WDSUB1: variants seen among roughly 807,000 people sequenced by gnomAD.
The protein encoded by WDSUB1 is WD repeat, sterile alpha motif and U-box domain containing 1.
WDSUB1 carries 49 observed loss-of-function variants against 53.9 expected under a neutral mutation model. The ratio of observed to expected loss-of-function variants is 0.91; its 90% CI spans 0.72 to 1.15. WDSUB1 has a LOEUF of 1.15. Among genes scored for constraint, WDSUB1 ranks in the 50% most tolerant of loss-of-function variants. The probability of loss-of-function intolerance (pLI) is 0.00; values close to 1 mark genes in which losing one functional copy is unlikely to be tolerated. For missense variants in WDSUB1, 514 were observed against 562.0 expected (o/e 0.91, Z 0.86); for synonymous variants, 194 against 200.6 (o/e 0.97, Z 0.28).
At chr2:159,250,846 T>C (rs1464712089) in intron 9 of WDSUB1, among the ~76,000 whole-genome samples, 3 of 152,066 alleles carry the variant, frequency 2.0e-5, no homozygotes, top group African/African-American at 7.2e-5. Context: ...GTGACTGGGG[T>C]ATGCTTCCTA....
At chr2:159,253,736 G>T (rs181539539) in intron 9 of WDSUB1, among the ~76,000 whole-genome samples, 45 of 152,220 alleles carry the variant, frequency 3.0e-4, no homozygotes, top group African/African-American at 9.6e-4. Context: ...ATACTCATTG[G>T]TTCACCTCAA....
chr2:159,261,884 ATATATATATATATTTTTTTTTTTTT>A (rs1553456701), intron 5 of WDSUB1, among the ~76,000 whole-genome samples: 26 of 19,696 alleles, frequency 1.3e-3, no homozygotes, highest in Non-Finnish European at 1.8e-3. Context: ...ATATATATAT[ATATATATATATATTTTTTTTTTTTT>A]TTTTTTTTTT....
At chr2:159,242,774 C>T (rs1401019115) in intron 10 of WDSUB1, among the ~76,000 whole-genome samples, 1 of 147,816 alleles carries the variant, frequency 6.8e-6, no homozygotes, top group Non-Finnish European at 1.5e-5. Context: ...ACAGAAGAGC[C>T]CCCATTTTTA....
rs373483710 is a variant in WDSUB1 at position 159,259,180 on chromosome 2, C to T, written c.804+630G>A. 1.8e-4 allele frequency among the ~76,000 whole-genome samples: 27 copies of T among 152,248 alleles called. 1 individual carries two copies. Among genetic ancestry groups the T allele is most frequent in the Admixed American group, 1.6e-3 (25 of 15,292 alleles). ...CTGGGACTACAGGGACGCGCCACCA[C>T]GGTCAGCTAAGTTTTTGTATTTTTG... On this transcript the variant is annotated intron_variant, in intron 6 of 10. Transcript: ENST00000359774.
At chr2:159,264,768 C>T (rs1340612727) in intron 5 of WDSUB1, among the ~76,000 whole-genome samples, 1 of 152,124 alleles carries the variant, frequency 6.6e-6, no homozygotes, top group Non-Finnish European at 1.5e-5. Context: ...CCGTATTGCC[C>T]TCTCATTGGT....
chr2:159,257,979 C>T lies in WDSUB1; in HGVS notation c.811G>A (p.Glu271Lys), dbSNP rs2061104640. 6.2e-7 allele frequency: 1 copy of T among 1,612,362 alleles called. No individual in the cohort carries two copies. The highest frequency in any genetic ancestry group is 8.5e-7 in the Non-Finnish European group (1 of 1,179,610). ...TGAGTCAATGTGTGAAGTATATTCT[C>T]AGTATTCTGAAAAACAATAAAAACA... is the stretch of plus-strand genomic sequence containing the variant. ...KSVIVYDTNT[E>K]NILHTLTQHT... is the part of the protein sequence containing the mutation. The change falls in exon 7 of 11, where the codon GAG becomes AAG. Residue 271 changes from glutamate (E) to lysine (K), a missense_variant. Physicochemically the swap from Glu to Lys is moderately conservative, Grantham distance 56. Transcript: ENST00000359774.
In WDSUB1 at chr2:159,235,983, A is replaced by G; in HGVS notation, c.*50T>C. ...ATGTCTGATTAGTATTTACCTATAA[A>G]TCATTCAAATGAGATCACTGAAAAT... On this transcript the variant is annotated 3_prime_UTR_variant, in exon 11 of 11. Coordinates refer to ENST00000359774, the MANE Select transcript of WDSUB1 (RefSeq NM_001128212.3). 3 of 1,508,562 alleles carry G rather than the reference A, an allele frequency of 2.0e-6. No individual in the cohort carries two copies. Among genetic ancestry groups the G allele is most frequent in the South Asian group, 2.7e-5 (2 of 72,778 alleles). The allele number at this position is 1,508,562 out of a possible 1,614,324, so 93.4% of individuals were successfully genotyped here.
At chr2:159,271,667 A>G (rs2061445609) in intron 5 of WDSUB1, 35 bp downstream of exon 5, 1 of 1,552,722 alleles carries the variant, frequency 6.4e-7, no homozygotes. Context: ...ATTTCATATA[A>G]AAATGGTTTA....
At chr2:159,260,250 A>G (rs1321164246) in intron 5 of WDSUB1, among the ~76,000 whole-genome samples, 3 of 152,202 alleles carry the variant, frequency 2.0e-5, no homozygotes, top group African/African-American at 7.2e-5. Flanking sequence ...GGTTACAATG[A>G]GCCAAGATCA....
chr2:159,239,659 C>T (rs1349216706), intron 10 of WDSUB1, among the ~76,000 whole-genome samples: 3 of 152,176 alleles, frequency 2.0e-5, no homozygotes, highest in Non-Finnish European at 4.4e-5. Context: ...CTCAGTGGCT[C>T]ATGCCTATAA....
At position 159,274,891 on chromosome 2, in the gene WDSUB1, C is replaced by T. The variant is rs1444336575; in HGVS notation, c.676+655G>A. ...TGAGATCTTACATTTATAAAGGACA[C>T]TATGAAAAGAAAACAAAGAAGATGG... On this transcript the variant is annotated intron_variant, in intron 4 of 10. Transcript: ENST00000359774. 2.6e-5 allele frequency among the ~76,000 whole-genome samples: 4 copies of T among 152,144 alleles called. No homozygotes were observed. The South Asian group carries it at 6.2e-4, about 24-fold the overall frequency.
chr2:159,250,970 A>G (rs2060938293), intron 9 of WDSUB1, among the ~76,000 whole-genome samples: 3 of 152,172 alleles, frequency 2.0e-5, no homozygotes, highest in South Asian at 2.1e-4. Context: ...ATATAACATA[A>G]TAAGAAAAGG....
At chr2:159,256,430 C>T (rs546119421) in intron 8 of WDSUB1, 55 bp from the exon 9 acceptor site, 50 of 1,526,204 alleles carry the variant, frequency 3.3e-5, no homozygotes, top group Middle Eastern at 1.7e-4. Flanking sequence ...CCTTTATAAA[C>T]ATTCTCACTT....
rs761244952 is a variant in WDSUB1 at position 159,279,906 on chromosome 2, T to G, written c.438A>C (p.Ala146=). The G allele has an allele frequency of 1.9e-6, 3 of 1,612,016 alleles. No homozygotes were observed. Among genetic ancestry groups the G allele is most frequent in the Non-Finnish European group, 8.5e-7 (1 of 1,178,658 alleles). Residue 146 remains alanine (A), a synonymous_variant, in exon 3 of 11, where the codon GCA becomes GCC. Coordinates refer to ENST00000359774, the MANE Select transcript of WDSUB1 (RefSeq NM_001128212.3). ...SVKDGSLAAC[A]FSPNGSFFVT... is the part of the protein sequence containing the mutation. Reference sequence around the variant, plus strand: ...CAAAGAAGCTTCCATTAGGAGAAAATGCACATGCCGCCAAGGAGCCATCTT... The same window carrying G: ...CAAAGAAGCTTCCATTAGGAGAAAAGGCACATGCCGCCAAGGAGCCATCTT...
intron 5 of WDSUB1, among the ~76,000 whole-genome samples, chr2:159,267,564 C>T (rs1004360288): frequency 6.6e-6 from 1 of 152,142 alleles, no homozygotes; most frequent in African/African-American, 2.4e-5. Flanking sequence ...TTTGACCTCT[C>T]AAAGTGTTGG....
chr2:159,255,196 G>A (rs769929835), intron 9 of WDSUB1, among the ~76,000 whole-genome samples: 4 of 151,916 alleles, frequency 2.6e-5, no homozygotes, highest in East Asian at 3.9e-4. Flanking sequence ...GGCCAGGCAC[G>A]GTGGCTCAGG....
chr2:159,247,902 TATA>T (rs2060843457), intron 10 of WDSUB1, among the ~76,000 whole-genome samples: 1 of 18,554 alleles, frequency 5.4e-5, no homozygotes, highest in Non-Finnish European at 1.3e-4. Flanking sequence ...TATATATATA[TATA>T]TATAAATATA....
chr2:159,282,773 A>C lies in WDSUB1; in HGVS notation c.297T>G (p.Pro99=), dbSNP rs73968307. Residue 99 remains proline, a synonymous_variant, in exon 2 of 11, where the codon CCT becomes CCG. Transcript: ENST00000359774. ...LAVMEQPSGS[P]VRVCQFSPDS... is the part of the protein sequence containing the mutation. ...CTGGGGAAAACTGGCAAACCCTCACAGGGCTGCCACTAGGCTGTTCCATCA... is the reference window on the plus strand; with the variant it reads ...CTGGGGAAAACTGGCAAACCCTCACCGGGCTGCCACTAGGCTGTTCCATCA... 6.6e-3 allele frequency: 10,666 copies of C among 1,614,138 alleles called. 393 individuals are homozygous for C. In the African/African-American group the frequency reaches 0.097, roughly 15 times the overall value.
In WDSUB1 at chr2:159,279,845, C is replaced by A. The variant is rs1481288685; in HGVS notation, c.499G>T (p.Asp167Tyr). The change falls in exon 3 of 11, where the codon GAT (aspartate) becomes TAT (tyrosine). Residue 167 changes from aspartate to tyrosine, a missense_variant. Coordinates refer to ENST00000359774, the MANE Select transcript of WDSUB1 (RefSeq NM_001128212.3). ...GSSCGDLTVW[D>Y]DKMRCLHSEK... ...CTATGCAGACACCTCATTTTATCAT[C>A]CCACACTGTTAAATCACCACATGAG... The A allele has an allele frequency of 6.2e-7, 1 of 1,612,854 alleles. No homozygotes were observed. The highest frequency in any genetic ancestry group is 1.3e-5 in the African/African-American group (1 of 74,922).
Sources: allele counts gnomAD v4.1 joint callset (sites outside exome capture counted in the v4.1 genomes callset), GRCh38; gene constraint gnomAD v4.1.1; transcripts MANE v1.5; gene names NCBI Gene and HGNC (gene_info 2026-07-23, HGNC 2026-07-21).